PDLIM5: variants seen among roughly 807,000 people sequenced by gnomAD.
PDLIM5 encodes the protein PDZ and LIM domain 5.
In PDLIM5, 34 loss-of-function variants were observed where a neutral mutation model predicts 64.2. The observed-to-expected ratio is 0.53, with a 90% CI of 0.40 to 0.71. The LOEUF (loss-of-function observed/expected upper bound fraction) is 0.71, where lower values mean the gene tolerates loss of function less well. Ranked by LOEUF, PDLIM5 falls within the 30% of genes least tolerant of loss-of-function variation. PDLIM5 has a pLI of 0.00. For missense variants in PDLIM5, 683 were observed against 733.6 expected (o/e 0.93, Z 0.80); for synonymous variants, 253 against 269.1 (o/e 0.94, Z 0.59).
chr4:94,662,662 T>G lies in PDLIM5; in HGVS notation c.1701+125T>G, dbSNP rs1280232910. The G allele has an allele frequency of 6.3e-6, 3 of 477,206 alleles. No individual in the cohort carries two copies. In the East Asian group the frequency reaches 9.5e-5, roughly 15 times the overall value. The allele number at this position is 477,206 out of a possible 1,614,324, so 29.6% of individuals were successfully genotyped here. Reference sequence around the variant, plus strand: ...AAACCTAAGGAAAAATTATTTTTAATTTTTTGTAAATTTCGAAAGTTGTTT... The same window carrying G: ...AAACCTAAGGAAAAATTATTTTTAAGTTTTTGTAAATTTCGAAAGTTGTTT... On this transcript the variant is annotated intron_variant, in intron 12 of 12. Transcript: ENST00000317968.
At chr4:94,582,435 A>T (rs550430991) in intron 5 of PDLIM5, 1 of 331,108 alleles carries the variant, frequency 3.0e-6, no homozygotes. Context: ...AATAGTTTTC[A>T]GTGTTTTGTG....
At chr4:94,545,388 G>T (rs976169459) in intron 3 of PDLIM5, among the ~76,000 whole-genome samples, 1 of 152,018 alleles carries the variant, frequency 6.6e-6, no homozygotes, top group Non-Finnish European at 1.5e-5. Flanking sequence ...CCTATTTGTG[G>T]TATCTCTCTC....
intron 3 of PDLIM5, among the ~76,000 whole-genome samples, chr4:94,529,781 G>T (rs931667291): frequency 6.6e-6 from 1 of 151,936 alleles, no homozygotes; most frequent in Non-Finnish European, 1.5e-5. Flanking sequence ...TTTCCTGGCC[G>T]TGAAACTAAT....
chr4:94,467,346 G>A (rs940761747), intron 2 of PDLIM5, among the ~76,000 whole-genome samples: 6 of 145,472 alleles, frequency 4.1e-5, no homozygotes, highest in Non-Finnish European at 7.4e-5. Context: ...ACGGAGTCTC[G>A]CTCTGTTGCC....
chr4:94,472,028 C>G (rs1724919171), intron 2 of PDLIM5, among the ~76,000 whole-genome samples: 1 of 152,042 alleles, frequency 6.6e-6, no homozygotes, highest in Non-Finnish European at 1.5e-5. Flanking sequence ...AGTTTTGAAA[C>G]TATTATTGAA....
intron 9 of PDLIM5, among the ~76,000 whole-genome samples, chr4:94,646,070 C>T (rs990230922): frequency 1.3e-5 from 2 of 152,168 alleles, no homozygotes; most frequent in African/African-American, 4.8e-5. Context: ...GTATAAGCAA[C>T]ATTCGTTGAG....
chr4:94,478,493 T>G (rs964853027), intron 2 of PDLIM5, among the ~76,000 whole-genome samples: 7 of 152,102 alleles, frequency 4.6e-5, no homozygotes, highest in African/African-American at 1.4e-4. Flanking sequence ...TTTAGTATAG[T>G]CTTTCATGAA....
At chr4:94,555,623 A>G (rs2110222211) in intron 3 of PDLIM5, among the ~76,000 whole-genome samples, 2 of 152,280 alleles carry the variant, frequency 1.3e-5, no homozygotes, top group South Asian at 4.1e-4. Flanking sequence ...GAATAGTGAG[A>G]TAAATTGTTA....
At chr4:94,586,831 C>A (rs1452034780) in intron 7 of PDLIM5, among the ~76,000 whole-genome samples, 1 of 152,038 alleles carries the variant, frequency 6.6e-6, no homozygotes, top group Non-Finnish European at 1.5e-5. Flanking sequence ...AAATGCTCTA[C>A]CCTTAAAATT....
intron 10 of PDLIM5, among the ~76,000 whole-genome samples, chr4:94,656,532 A>G (rs905706176): frequency 4.0e-5 from 6 of 150,486 alleles, no homozygotes; most frequent in African/African-American, 1.5e-4. Context: ...ATTGGATTAC[A>G]TTATATTTTT....
chr4:94,555,189 G>A lies in PDLIM5; in HGVS notation c.249-18162G>A, dbSNP rs762451465. On this transcript the variant is annotated intron_variant, in intron 3 of 12. Transcript: ENST00000317968. ...CCGCCTCAACCTCTTGAGTAGCTGG[G>A]ATTACAGGCACGCACCACTATGCCT... Among the ~76,000 whole-genome samples the A allele has an allele frequency of 3.3e-5, 5 of 152,248 alleles. No homozygotes were observed. In the South Asian group the frequency reaches 1.0e-3, roughly 32 times the overall value.
intron 5 of PDLIM5, chr4:94,584,801 G>C (rs1578420786): frequency 1.9e-6 from 1 of 524,138 alleles, no homozygotes. Flanking sequence ...TGGCCGTTGT[G>C]AATATTGTCC....
chr4:94,654,836 CTT>C (rs938368832), intron 10 of PDLIM5, among the ~76,000 whole-genome samples, 196 bp downstream of exon 10: 3 of 152,060 alleles, frequency 2.0e-5, no homozygotes, highest in African/African-American at 7.2e-5. Context: ...GTTAGGTTGT[CTT>C]TGGTTTTGTC....
At chr4:94,522,559 A>G (rs1334785373) in intron 2 of PDLIM5, among the ~76,000 whole-genome samples, 1 of 152,030 alleles carries the variant, frequency 6.6e-6, no homozygotes, top group Non-Finnish European at 1.5e-5. Context: ...TATTTTTGGT[A>G]GAGATGGGGT....
intron 7 of PDLIM5, among the ~76,000 whole-genome samples, chr4:94,593,300 C>T (rs1198350617): frequency 6.6e-6 from 1 of 152,156 alleles, no homozygotes; most frequent in South Asian, 2.1e-4. Flanking sequence ...TGAACTGTTT[C>T]TTCAGTTAGA....
At chr4:94,651,062 C>G (rs1434617105) in intron 9 of PDLIM5, among the ~76,000 whole-genome samples, 1 of 152,140 alleles carries the variant, frequency 6.6e-6, no homozygotes, top group Admixed American at 6.5e-5. Flanking sequence ...CCAATCCTAC[C>G]TGGAACAAGA....
intron 7 of PDLIM5, among the ~76,000 whole-genome samples, chr4:94,609,882 TA>T (rs1738224390): frequency 6.6e-6 from 1 of 152,184 alleles, no homozygotes; most frequent in Non-Finnish European, 1.5e-5. Flanking sequence ...TGATACGAGG[TA>T]ATTTTAAATA....
At chr4:94,489,871 A>G (rs35280329) in intron 2 of PDLIM5, among the ~76,000 whole-genome samples, 2,839 of 152,218 alleles carry the variant, frequency 0.019, 39 homozygotes, top group Non-Finnish European at 0.03. Flanking sequence ...TTGCTCTAAT[A>G]TGCTCCAACT....
At chr4:94,663,887 G>T in intron 12 of PDLIM5, 91 bp from the exon 13 acceptor site, 2 of 1,342,206 alleles carry the variant, frequency 1.5e-6, no homozygotes, top group Admixed American at 2.4e-5. Context: ...CCATTGGGGG[G>T]AAAAATCACT....
Sources: gnomAD v4.1 joint callset for allele counts (sites outside exome capture counted in the v4.1 genomes callset) on GRCh38, gnomAD v4.1.1 for gene constraint, MANE v1.5 for transcripts, NCBI Gene and HGNC (gene_info 2026-07-23, HGNC 2026-07-21) for gene names.